LARS1: variants seen among roughly 807,000 people sequenced by gnomAD.
LARS1 encodes leucyl-tRNA synthetase 1.
In LARS1, 100 loss-of-function variants were observed where a neutral mutation model predicts 162.8. That is an observed-to-expected ratio of 0.61 (90% CI 0.52 to 0.73). The LOEUF is 0.73. Among genes scored for constraint, LARS1 ranks in the 30% least tolerant of loss-of-function variants. LARS1 has a pLI of 0.00. For missense variants in LARS1, 1,258 were observed against 1,408.9 expected (o/e 0.89, Z 1.71); for synonymous variants, 457 against 462.8 (o/e 0.99, Z 0.16).
intron 1 of LARS1, chr5:146,181,154 C>G (rs1045309551): frequency 6.6e-6 from 1 of 151,918 alleles, no homozygotes; most frequent in Non-Finnish European, 1.5e-5. Context: ...GAAATTGAGT[C>G]CATCCTGGCC....
rs777071439 is a variant in LARS1, at chr5:146,114,078, C to G, written c.*28G>C. ...TCAGAGTAGTAGTATTCCTAAGAAACCAGGATAAATCTCCAATGTGCATGA... is the reference window on the plus strand; with the variant it reads ...TCAGAGTAGTAGTATTCCTAAGAAAGCAGGATAAATCTCCAATGTGCATGA... On this transcript the variant is annotated 3_prime_UTR_variant, in exon 32 of 32. Transcript: ENST00000394434. The G allele has an allele frequency of 6.4e-7, 1 of 1,561,970 alleles. No individual in the cohort carries two copies. Among genetic ancestry groups the G allele is most frequent in the South Asian group, 1.1e-5 (1 of 90,050 alleles).
intron 5 of LARS1, among the ~76,000 whole-genome samples, chr5:146,166,362 G>C (rs1054711358): frequency 2.6e-5 from 4 of 152,034 alleles, no homozygotes; most frequent in Admixed American, 6.6e-5. Flanking sequence ...TAATAAAAAA[G>C]AACAATTTGA....
intron 10 of LARS1, among the ~76,000 whole-genome samples, chr5:146,155,146 C>T (rs780986010): frequency 1.3e-5 from 2 of 152,146 alleles, no homozygotes; most frequent in Non-Finnish European, 2.9e-5. Context: ...GCCACCGTGC[C>T]CGTCCCGGAA....
intron 20 of LARS1, 57 bp from the exon 21 acceptor site, chr5:146,140,318 C>T: frequency 6.9e-7 from 1 of 1,454,934 alleles, no homozygotes; most frequent in Admixed American, 1.8e-5. Flanking sequence ...ATAGTTCTGG[C>T]TTAAAATTTT....
chr5:146,155,752 G>A (rs1343754048), intron 10 of LARS1, among the ~76,000 whole-genome samples: 2 of 152,068 alleles, frequency 1.3e-5, no homozygotes, highest in African/African-American at 2.4e-5. Context: ...TGTCCCTCAC[G>A]CCAGAATTTG....
intron 21 of LARS1, among the ~76,000 whole-genome samples, chr5:146,136,089 G>T (rs1476322531): frequency 6.6e-6 from 1 of 152,224 alleles, no homozygotes; most frequent in Non-Finnish European, 1.5e-5. Flanking sequence ...TATCATTAGG[G>T]TCACAAAAAT....
chr5:146,141,880 G>A (rs1752792881), intron 20 of LARS1, among the ~76,000 whole-genome samples: 1 of 151,976 alleles, frequency 6.6e-6, no homozygotes, highest in Admixed American at 6.6e-5. Context: ...ATTCCTCTGG[G>A]CTGGGCACGG....
rs1168451805 is a variant in LARS1 at position 146,177,616 on chromosome 5, T to C, written c.56A>G (p.Glu19Gly). ...KVDFLKKIEK[E>G]IQQKWDTERV... ...CTCAGTATCCCATTTCTGTTGGATT[T>C]CTTTCTCAATCTTCTTCAAAAAGTC... Residue 19 changes from glutamate to glycine, a missense_variant, in exon 2 of 32, where the codon GAA becomes GGA. Physicochemically the swap from Glu to Gly is moderately conservative, Grantham distance 98. Coordinates refer to ENST00000394434, the MANE Select transcript of LARS1 (RefSeq NM_020117.11). 6.2e-7 allele frequency: 1 copy of C among 1,608,172 alleles called. No individual in the cohort carries two copies.
rs181347909 is a variant in LARS1 at position 146,143,980 on chromosome 5, C to T, written c.1738+287G>A. On this transcript the variant is annotated intron_variant, in intron 18 of 31. Transcript: ENST00000394434. ...TCGCACCACTGCACTCCAGCCTAGG[C>T]GACAGAGCAAGACTCTGTCTCTAAA... is the stretch of plus-strand genomic sequence containing the variant. Among the ~76,000 whole-genome samples the T allele has an allele frequency of 5.2e-4, 79 of 151,970 alleles. 1 individual carries two copies. The highest frequency in any genetic ancestry group is 3.9e-3 in the Admixed American group (59 of 15,252).
intron 1 of LARS1, chr5:146,179,641 C>T (rs1482613277): frequency 2.4e-6 from 1 of 425,330 alleles, no homozygotes; most frequent in Non-Finnish European, 4.7e-6. Context: ...CTCTGCCACC[C>T]AGGCTGGAGC....
At chr5:146,129,698 GAATA>G (rs898011028) in intron 25 of LARS1, among the ~76,000 whole-genome samples, 3 of 144,348 alleles carry the variant, frequency 2.1e-5, no homozygotes, top group Non-Finnish European at 3.1e-5. Context: ...TATAAAACAA[GAATA>G]CTTACACAAA....
At chr5:146,169,839 G>A (rs1326524130) in intron 4 of LARS1, among the ~76,000 whole-genome samples, 4 of 152,010 alleles carry the variant, frequency 2.6e-5, no homozygotes, top group African/African-American at 7.2e-5. Flanking sequence ...GTGAGCCACC[G>A]TGTCTGGCCT....
chr5:146,170,766 G>A (rs1172330576), intron 4 of LARS1, among the ~76,000 whole-genome samples: 1 of 151,244 alleles, frequency 6.6e-6, no homozygotes, highest in Non-Finnish European at 1.5e-5. Context: ...AGGCCGAGGT[G>A]GGCAGATTAC....
At chr5:146,160,525 T>C (rs1753733717) in intron 6 of LARS1, 39 bp from the exon 7 acceptor site, 1 of 1,091,916 alleles carries the variant, frequency 9.2e-7, no homozygotes, top group South Asian at 1.7e-5. Context: ...TACTGAGAAA[T>C]ACACAAATTT....
chr5:146,147,617 T>C (rs955886662), intron 15 of LARS1, among the ~76,000 whole-genome samples: 1 of 151,670 alleles, frequency 6.6e-6, no homozygotes, highest in Non-Finnish European at 1.5e-5. Flanking sequence ...AAGCACATAG[T>C]AAAGAAAAGC....
chr5:146,153,143 T>G, intron 13 of LARS1, 31 bp downstream of exon 13: 1 of 1,509,174 alleles, frequency 6.6e-7, no homozygotes, highest in South Asian at 1.1e-5. Context: ...AAGAGATGGA[T>G]GTGAATATTC....
chr5:146,128,937 T>C (rs1752158355), intron 26 of LARS1, 41 bp downstream of exon 26: 3 of 1,525,780 alleles, frequency 2.0e-6, no homozygotes, highest in Non-Finnish European at 2.7e-6. Flanking sequence ...CAATAACTTT[T>C]AAGGAATAAT....
At chr5:146,117,773 T>TAAA (rs1751620515) in intron 31 of LARS1, among the ~76,000 whole-genome samples, 1 of 139,350 alleles carries the variant, frequency 7.2e-6, no homozygotes, top group Non-Finnish European at 1.6e-5. Context: ...AATAAATGCA[T>TAAA]ATAACATGAT....
Position 146,151,879 on chromosome 5 carries a change from T to C in LARS1, c.1408A>G (p.Lys470Glu), listed in dbSNP as rs368489713. ...TTACTTACACCCTCATAAAATCCTT[T>C]TAGATATATCTTCTCCTTTGCTTCT... is the stretch of plus-strand genomic sequence containing the variant. Reference protein sequence around the residue: ...LAEAKEKIYLKGFYEGIMLVD... With the variant: ...LAEAKEKIYLEGFYEGIMLVD... The change falls in exon 14 of 32, where the codon AAA becomes GAA. Residue 470 changes from lysine (K) to glutamate (E), a missense_variant. Lys to Glu is a moderately conservative substitution (Grantham distance 56). Transcript: ENST00000394434. 1 of 1,613,898 alleles carries C rather than the reference T, an allele frequency of 6.2e-7. No individual in the cohort carries two copies. Among genetic ancestry groups the C allele is most frequent in the South Asian group, 1.1e-5 (1 of 91,082 alleles).
Sources: gnomAD v4.1 joint callset for allele counts (sites outside exome capture counted in the v4.1 genomes callset) on GRCh38, gnomAD v4.1.1 for gene constraint, MANE v1.5 for transcripts, NCBI Gene and HGNC (gene_info 2026-07-23, HGNC 2026-07-21) for gene names.